Variants in ZFAND6 observed in about 807,000 individuals in gnomAD.
The protein encoded by ZFAND6 is AN1-type zinc finger protein 6.
Under a neutral mutation model 24.5 loss-of-function variants are expected in ZFAND6, and 12 were observed. The observed-to-expected ratio is 0.49, with a 90% CI of 0.31 to 0.79. The LOEUF is 0.79. Ranked by LOEUF, ZFAND6 falls within the 30% of genes least tolerant of loss-of-function variation. ZFAND6 has a pLI of 0.04. For synonymous variants in ZFAND6, 92 were observed against 81.5 expected, an observed-to-expected ratio of 1.13 and a Z score of -0.69; for missense variants, 207 against 245.9, an observed-to-expected ratio of 0.84 and a Z score of 1.06.
At chr15:80,118,040 G>GT (rs1396317292) in intron 2 of ZFAND6, among the ~76,000 whole-genome samples, 1 of 150,234 alleles carries the variant, frequency 6.7e-6, no homozygotes, top group Non-Finnish European at 1.5e-5. Flanking sequence ...GTGTGTATAT[G>GT]TATGTATATA....
chr15:80,093,593 C>T (rs1159496904), intron 1 of ZFAND6, among the ~76,000 whole-genome samples: 6 of 152,042 alleles, frequency 3.9e-5, no homozygotes, highest in Non-Finnish European at 7.4e-5. Flanking sequence ...GGCATGGTGG[C>T]GCATGCCTGT....
intron 1 of ZFAND6, among the ~76,000 whole-genome samples, chr15:80,068,940 ATAAAC>A (rs2036820198): frequency 6.6e-6 from 1 of 152,248 alleles, no homozygotes; most frequent in South Asian, 2.1e-4. Flanking sequence ...TGGTGAATGA[ATAAAC>A]TAACTCTGTT....
chr15:80,104,172 A>G (rs1285189473), intron 2 of ZFAND6, among the ~76,000 whole-genome samples: 1 of 151,960 alleles, frequency 6.6e-6, no homozygotes, highest in East Asian at 1.9e-4. Context: ...GCTCCACTCC[A>G]TGAAGACTGG....
intron 1 of ZFAND6, among the ~76,000 whole-genome samples, chr15:80,091,971 T>C (rs1340382584): frequency 6.6e-6 from 1 of 152,224 alleles, no homozygotes; most frequent in Non-Finnish European, 1.5e-5. Flanking sequence ...ACTTTGACTG[T>C]TAATGTTAAT....
intron 1 of ZFAND6, among the ~76,000 whole-genome samples, chr15:80,076,565 A>G (rs1442059735): frequency 6.6e-6 from 1 of 152,178 alleles, no homozygotes; most frequent in Non-Finnish European, 1.5e-5. Flanking sequence ...GTGAAGAATA[A>G]CACCAGCTGA....
intron 2 of ZFAND6, among the ~76,000 whole-genome samples, chr15:80,115,967 G>A (rs2039856518): frequency 6.6e-6 from 1 of 152,184 alleles, no homozygotes; most frequent in South Asian, 2.1e-4. Flanking sequence ...ATCATTGGGA[G>A]AGTTCCTTTA....
chr15:80,109,793 GC>G (rs1209067446), intron 2 of ZFAND6, among the ~76,000 whole-genome samples: 1 of 152,162 alleles, frequency 6.6e-6, no homozygotes, highest in Non-Finnish European at 1.5e-5. Context: ...TATACCAGAA[GC>G]TGTGTTATCA....
At chr15:80,132,591 C>T (rs999743677) in intron 6 of ZFAND6, among the ~76,000 whole-genome samples, 1 of 152,180 alleles carries the variant, frequency 6.6e-6, no homozygotes, top group African/African-American at 2.4e-5. Flanking sequence ...TAAAATGCCA[C>T]ACATTTTAAT....
Position 80,131,258 on chromosome 15 carries a change from G to T in ZFAND6, c.443G>T (p.Arg148Leu). ...GAAAAACCGAAACAAAAAAAGAATC[G>T]CTGTTTCATGTGCAGGAAGAAAGTG... ...SLEKPKQKKN[R>L]CFMCRKKVGL... Residue 148 changes from arginine (R) to leucine (L), a missense_variant, in exon 6 of 7, where the codon CGC becomes CTC. By Grantham distance (102) the Arg-to-Leu change is moderately radical. Coordinates refer to ENST00000261749, the MANE Select transcript of ZFAND6 (RefSeq NM_019006.4). 2 of 1,612,872 alleles carry T rather than the reference G, an allele frequency of 1.2e-6. No homozygotes were observed. The highest frequency in any genetic ancestry group is 8.5e-7 in the Non-Finnish European group (1 of 1,179,310).
intron 1 of ZFAND6, among the ~76,000 whole-genome samples, chr15:80,085,328 C>T (rs2037926059): frequency 6.6e-6 from 1 of 152,210 alleles, no homozygotes; most frequent in Non-Finnish European, 1.5e-5. Context: ...TTATTCGTTA[C>T]TGTATCCTCA....
chr15:80,116,895 T>G (rs1195869164), intron 2 of ZFAND6, among the ~76,000 whole-genome samples: 2 of 152,182 alleles, frequency 1.3e-5, no homozygotes, highest in Non-Finnish European at 2.9e-5. Context: ...ATATAAAACT[T>G]TTTGTCCTGT....
chr15:80,076,360 T>A (rs931255689), intron 1 of ZFAND6, among the ~76,000 whole-genome samples: 1 of 151,808 alleles, frequency 6.6e-6, no homozygotes, highest in African/African-American at 2.4e-5. Context: ...AATTTTAAAT[T>A]CAGTGTCTCT....
intron 6 of ZFAND6, among the ~76,000 whole-genome samples, chr15:80,134,417 G>T (rs1399837081): frequency 6.6e-6 from 1 of 152,214 alleles, no homozygotes; most frequent in Non-Finnish European, 1.5e-5. Context: ...TAGGTCAGGG[G>T]TCGTAAAGAC....
chr15:80,095,733 T>C (rs775367407), intron 1 of ZFAND6, among the ~76,000 whole-genome samples: 18 of 152,234 alleles, frequency 1.2e-4, no homozygotes, highest in Non-Finnish European at 2.2e-4. Context: ...TTCTATACAC[T>C]GTTTCAAGTT....
chr15:80,094,384 G>A (rs1201403455), intron 1 of ZFAND6, among the ~76,000 whole-genome samples: 1 of 152,098 alleles, frequency 6.6e-6, no homozygotes, highest in African/African-American at 2.4e-5. Context: ...TCATGAGAGG[G>A]ATCTAGGTTA....
rs111350486 is a variant in ZFAND6, at chr15:80,114,431, T to C, written c.-17-5897T>C. On this transcript the variant is annotated intron_variant, in intron 2 of 6. Transcript: ENST00000261749. ...GTACTCCTCTCTGGGACAATTATTA[T>C]ACAAACTAAAACCGAAGTAATATGA... 9.3e-4 allele frequency among the ~76,000 whole-genome samples: 141 copies of C among 152,302 alleles called. 1 individual carries two copies. Among genetic ancestry groups the C allele is most frequent in the African/African-American group, 2.5e-3 (105 of 41,576 alleles).
chr15:80,102,328 C>T (rs1596267264), intron 2 of ZFAND6, among the ~76,000 whole-genome samples: 2 of 151,592 alleles, frequency 1.3e-5, no homozygotes, highest in African/African-American at 2.4e-5. Context: ...AGGCTGGTCT[C>T]GAACTCCTGA....
At chr15:80,131,561 G>T in intron 6 of ZFAND6, 1 of 418,274 alleles carries the variant, frequency 2.4e-6, no homozygotes, top group African/African-American at 2.0e-5. Context: ...TCTGTGAAAG[G>T]TCAAAGATGT....
chr15:80,118,267 C>T (rs1440403723), intron 2 of ZFAND6, among the ~76,000 whole-genome samples: 2 of 152,020 alleles, frequency 1.3e-5, no homozygotes. Context: ...GGACTACAGG[C>T]ACACGCCGCC....
Sources: gnomAD v4.1 joint callset for allele counts (sites outside exome capture counted in the v4.1 genomes callset) on GRCh38, gnomAD v4.1.1 for gene constraint, MANE v1.5 for transcripts, NCBI Gene and HGNC (gene_info 2026-07-23, HGNC 2026-07-21) for gene names.